The following LAMA2 variants were observed in gnomAD, a reference collection of about 807,000 sequenced individuals.
LAMA2 encodes laminin subunit alpha 2.
LAMA2 carries 269 observed loss-of-function variants against 364.8 expected under a neutral mutation model. That is an observed-to-expected ratio of 0.74 (90% CI 0.67 to 0.82). The LOEUF (loss-of-function observed/expected upper bound fraction) is 0.82. Among genes scored for constraint, LAMA2 ranks in the 40% least tolerant of loss-of-function variants. The pLI is 0.00. For missense variants in LAMA2, 3,807 were observed against 3,873.2 expected (o/e 0.98, Z 0.45); for synonymous variants, 1,379 against 1,370.6 (o/e 1.01, Z -0.14).
chr6:128,918,616 CTTCA>C (rs1778500210), intron 1 of LAMA2, among the ~76,000 whole-genome samples: 1 of 152,164 alleles, frequency 6.6e-6, no homozygotes, highest in African/African-American at 2.4e-5. Context: ...TCTTCATTGT[CTTCA>C]TTATTTCCAC....
intron 1 of LAMA2, among the ~76,000 whole-genome samples, chr6:128,900,462 C>T (rs1034302724): frequency 3.3e-5 from 5 of 152,102 alleles, no homozygotes; most frequent in Admixed American, 2.0e-4. Flanking sequence ...GAAGAGCTAA[C>T]TTTTAGGAAG....
At position 129,252,190 on chromosome 6, in the gene LAMA2, G is replaced by T. The variant is rs1786304988; in HGVS notation, c.1991G>T (p.Gly664Val). 6.2e-7 allele frequency: 1 copy of T among 1,613,570 alleles called. No individual in the cohort carries two copies. The highest frequency in any genetic ancestry group is 2.2e-5 in the East Asian group (1 of 44,846). The change falls in exon 14 of 65, where the codon GGC becomes GTC. Residue 664 changes from glycine (G) to valine (V), a missense_variant. Around this residue, in one of 3 missense-constraint regions of LAMA2, gnomAD observed 3,333 missense variants for 3,345.7 expected, o/e 1.00. Coordinates refer to ENST00000421865, the MANE Select transcript of LAMA2 (RefSeq NM_000426.4). ...LLKEESFTIH[G>V]THFPVRRKEF... is the part of the protein sequence containing the mutation. The stretch of plus-strand genomic sequence containing the variant: ...AAAGAAGAATCATTTACCATACATG[G>T]CACACATTTTCCAGTCCGTAGAAAG...
In LAMA2 at chr6:129,402,451, C is replaced by T; in HGVS notation, c.5690C>T (p.Ala1897Val). The change falls in exon 39 of 65, where the codon GCA (alanine) becomes GTA (valine). Residue 1897 changes from alanine to valine, a missense_variant. Transcript: ENST00000421865. ...AEKVSQAESH[A>V]AQLNDSSAVL... is the part of the protein sequence containing the mutation. ...AAGGTGTCCCAGGCTGAGAGCCACG[C>T]AGCTCAGTTGAATGACTCATCTGCT... The T allele has an allele frequency of 6.2e-7, 1 of 1,614,108 alleles. No individual in the cohort carries two copies. The highest frequency in any genetic ancestry group is 1.1e-5 in the South Asian group (1 of 91,076).
chr6:129,445,924 C>A (rs1353627808), intron 45 of LAMA2, 103 bp downstream of exon 45: 3 of 1,188,354 alleles, frequency 2.5e-6, no homozygotes, highest in Non-Finnish European at 3.7e-6. Context: ...GATCTTGGGT[C>A]CTTTTCCTTT....
At chr6:129,314,413 A>AAAAAAAAAAAAAAAAAAC (rs1774439362) in intron 23 of LAMA2, among the ~76,000 whole-genome samples, 1 of 151,530 alleles carries the variant, frequency 6.6e-6, no homozygotes, top group Non-Finnish European at 1.5e-5. Flanking sequence ...AAAAAAAAAA[A>AAAAAAAAAAAAAAAAAAC]AAAAAAGTAC....
intron 1 of LAMA2, among the ~76,000 whole-genome samples, chr6:128,988,538 G>A (rs1783413703): frequency 6.6e-6 from 1 of 152,186 alleles, no homozygotes. Context: ...AGATGCTACT[G>A]TCAGCAAGAG....
chr6:129,353,563 G>A (rs973862074), intron 32 of LAMA2, among the ~76,000 whole-genome samples: 8 of 151,736 alleles, frequency 5.3e-5, no homozygotes, highest in African/African-American at 1.9e-4. Context: ...GAACAGCTGA[G>A]AAAATCCTCA....
At chr6:128,993,108 A>G (rs1373008689) in intron 1 of LAMA2, among the ~76,000 whole-genome samples, 2 of 152,122 alleles carry the variant, frequency 1.3e-5, no homozygotes, top group East Asian at 3.8e-4. Context: ...AAATCACTTA[A>G]CCCCAGCAAC....
chr6:129,032,514 A>G (rs1786308971), intron 1 of LAMA2, among the ~76,000 whole-genome samples: 1 of 152,200 alleles, frequency 6.6e-6, no homozygotes, highest in African/African-American at 2.4e-5. Context: ...AATCGGACTA[A>G]AGGCAGTATT....
rs1439158865 is a variant in LAMA2 at position 129,270,635 on chromosome 6, T to A, written c.2334T>A (p.Asp778Glu). The change falls in exon 17 of 65, where the codon GAT becomes GAA. Residue 778 changes from aspartate to glutamate, a missense_variant. Coordinates refer to ENST00000421865, the MANE Select transcript of LAMA2 (RefSeq NM_000426.4). Reference protein sequence around the residue: ...DVTGECLNCKDHTGGPYCDKC... With the variant: ...DVTGECLNCKEHTGGPYCDKC... ...CATTTCTTTCTCAGAACTGTAAGGA[T>A]CACACAGGTGGCCCATATTGTGATA... 3.1e-6 allele frequency: 5 copies of A among 1,612,928 alleles called. No homozygotes were observed. In the African/African-American group the frequency reaches 6.7e-5, roughly 22 times the overall value.
intron 12 of LAMA2, among the ~76,000 whole-genome samples, chr6:129,212,718 A>T (rs912123715): frequency 5.3e-5 from 8 of 152,246 alleles, no homozygotes; most frequent in Admixed American, 2.0e-4. Flanking sequence ...CAAATTAAAA[A>T]ATTCACTTAA....
At chr6:129,438,310 A>C (rs1437341169) in intron 41 of LAMA2, among the ~76,000 whole-genome samples, 1 of 151,922 alleles carries the variant, frequency 6.6e-6, no homozygotes, top group Non-Finnish European at 1.5e-5. Flanking sequence ...AATGGGAGTG[A>C]TAACAAGAGG....
rs1562451730 is a variant in LAMA2, at chr6:129,316,115, T to G, written c.4002T>G (p.Tyr1334Ter). The part of the protein sequence containing the change: ...VTREDFLDIL[Y>*]DIHYILIKAT... ...GAGAAGACTTCTTGGATATACTATATGATATTCATTACATTCTTATCAAAG... is the reference window on the plus strand; with the variant it reads ...GAGAAGACTTCTTGGATATACTATAGGATATTCATTACATTCTTATCAAAG... Residue 1334 changes from tyrosine (Y) to a stop codon, truncating the protein, a stop_gained, in exon 27 of 65, where the codon TAT becomes TAG. Transcript: ENST00000421865. LOFTEE classifies it high-confidence loss of function. 6 of 1,607,288 alleles carry G rather than the reference T, an allele frequency of 3.7e-6. No homozygotes were observed. The highest frequency in any genetic ancestry group is 5.1e-6 in the Non-Finnish European group (6 of 1,174,054).
At chr6:128,897,425 C>T (rs1210608007) in intron 1 of LAMA2, among the ~76,000 whole-genome samples, 4 of 152,024 alleles carry the variant, frequency 2.6e-5, no homozygotes, top group African/African-American at 7.2e-5. Context: ...GAGTTTGTAG[C>T]ACTCCTAGAA....
intron 14 of LAMA2, among the ~76,000 whole-genome samples, chr6:129,253,340 T>C (rs1464604452): frequency 1.3e-5 from 2 of 152,196 alleles, no homozygotes; most frequent in Admixed American, 6.5e-5. Flanking sequence ...TATTGGAGTT[T>C]TTATTGCTGA....
intron 3 of LAMA2, among the ~76,000 whole-genome samples, chr6:129,088,259 G>A (rs1774523461): frequency 6.6e-6 from 1 of 151,864 alleles, no homozygotes; most frequent in Non-Finnish European, 1.5e-5. Context: ...ATCTTTCTTA[G>A]TACAGAACAA....
At chr6:128,952,906 C>A (rs1780919018) in intron 1 of LAMA2, among the ~76,000 whole-genome samples, 1 of 152,158 alleles carries the variant, frequency 6.6e-6, no homozygotes, top group South Asian at 2.1e-4. Context: ...TCCCCTCTCT[C>A]TTCTAAGCTT....
In LAMA2 at chr6:129,445,795, A is replaced by C; in HGVS notation, c.6403A>C (p.Asn2135His). 6.2e-7 allele frequency: 1 copy of C among 1,613,808 alleles called. No individual in the cohort carries two copies. Among genetic ancestry groups the C allele is most frequent in the Non-Finnish European group, 8.5e-7 (1 of 1,179,790 alleles). ...CATCTCTGAGATAAAGGAATTGATA[A>C]ACCAAGCTCGGAAACAAGCCAATTC... ...KNISEIKELINQARKQANSIK... is the reference protein window; with the variant it reads ...KNISEIKELIHQARKQANSIK... Residue 2135 changes from asparagine to histidine, a missense_variant, in exon 45 of 65, where the codon AAC (asparagine) becomes CAC (histidine). This residue lies in a region of LAMA2 where 3,333 missense variants were observed against 3,345.7 expected (regional missense o/e 1.00). Transcript: ENST00000421865.
intron 8 of LAMA2, among the ~76,000 whole-genome samples, chr6:129,159,623 G>A (rs182200898): frequency 4.1e-4 from 63 of 152,290 alleles, no homozygotes; most frequent in Admixed American, 2.1e-3. Context: ...TTCTTCCTTT[G>A]CAATCTTTAT....
Sources: allele counts gnomAD v4.1 joint callset (sites outside exome capture counted in the v4.1 genomes callset), GRCh38; gene constraint gnomAD v4.1.1; regional missense constraint gnomAD v4.1.1; transcripts MANE v1.5; gene names NCBI Gene and HGNC (gene_info 2026-07-23, HGNC 2026-07-21).